FRYL: variants seen among roughly 807,000 people sequenced by gnomAD.
FRYL encodes protein furry homolog-like.
Under a neutral mutation model 351.2 loss-of-function variants are expected in FRYL, and 150 were observed. The ratio of observed to expected loss-of-function variants is 0.43; its 90% CI spans 0.37 to 0.49. The LOEUF is 0.49. FRYL is among the 20% of genes least tolerant of loss of function. FRYL has a pLI of 0.00. For missense variants in FRYL, 3,036 were observed against 3,619.3 expected, an observed-to-expected ratio of 0.84 and a Z score of 4.13; for synonymous variants, 1,153 against 1,257.1, an observed-to-expected ratio of 0.92 and a Z score of 1.75.
At chr4:48,574,512 G>A (rs1739125466) in intron 25 of FRYL, 2 of 152,056 alleles carry the variant, frequency 1.3e-5, no homozygotes, top group South Asian at 4.1e-4. Context: ...ACAATCTGAA[G>A]CGAAACCAGA....
intron 1 of FRYL, among the ~76,000 whole-genome samples, chr4:48,738,796 G>A (rs558484584): frequency 4.6e-5 from 7 of 151,070 alleles, no homozygotes; most frequent in South Asian, 4.2e-4. Flanking sequence ...GTGAGCCACC[G>A]CCCCCAGACA....
chr4:48,624,377 C>T (rs1024375838), intron 4 of FRYL, among the ~76,000 whole-genome samples: 2 of 152,130 alleles, frequency 1.3e-5, no homozygotes, highest in African/African-American at 4.8e-5. Flanking sequence ...TATCCTTCAA[C>T]CACTGAGTCC....
intron 7 of FRYL, chr4:48,618,556 G>C (rs547165450): frequency 2.3e-5 from 3 of 128,798 alleles, no homozygotes; most frequent in Admixed American, 8.6e-5. Flanking sequence ...GATCATCCTT[G>C]AATGATATAA....
intron 47 of FRYL, among the ~76,000 whole-genome samples, chr4:48,538,410 T>A (rs940801166): frequency 2.0e-5 from 3 of 152,192 alleles, no homozygotes; most frequent in Non-Finnish European, 4.4e-5. Context: ...TATTTTCACA[T>A]CATTTATTAA....
At position 48,667,973 on chromosome 4, in the gene FRYL, G is replaced by C. The variant is rs375655057; in HGVS notation, c.-81+16700C>G. On this transcript the variant is annotated intron_variant, in intron 3 of 63. Coordinates refer to ENST00000358350, the MANE Select transcript of FRYL (RefSeq NM_015030.2). ...AAAGCCTCCATTCTCTATTTCCCAG[G>C]TAAGTTACTTGTATGTAGCTCTCTG... Among the ~76,000 whole-genome samples, 9 of 152,220 alleles carry C rather than the reference G, an allele frequency of 5.9e-5. No homozygotes were observed. In the East Asian group the frequency reaches 1.2e-3, roughly 20 times the overall value.
chr4:48,524,145 T>TA (rs1323249446), intron 53 of FRYL, among the ~76,000 whole-genome samples: 2 of 152,144 alleles, frequency 1.3e-5, no homozygotes, highest in Non-Finnish European at 2.9e-5. Flanking sequence ...TGTATCCCTT[T>TA]ACACAGGAAT....
intron 53 of FRYL, among the ~76,000 whole-genome samples, chr4:48,526,456 C>A (rs1726256670): frequency 6.6e-6 from 1 of 152,128 alleles, no homozygotes; most frequent in Non-Finnish European, 1.5e-5. Flanking sequence ...AGCATGTGTC[C>A]TAATTTGGGC....
rs1273484631 is a variant in FRYL, at chr4:48,582,508, G to A, written c.1975C>T (p.Gln659Ter). ...AAAGAATCTGGTACCTGAGTGTCCT[G>A]GTTTTTATTATGCATTTGGGCTGCT... ...KQAAQMHNKN[Q>*]DTQHGVANGA... The change falls in exon 20 of 64, where the codon CAG (glutamine) becomes TAG (stop). Residue 659 changes from glutamine (Q) to a stop codon, truncating the protein, a stop_gained. Coordinates refer to ENST00000358350, the MANE Select transcript of FRYL (RefSeq NM_015030.2). LOFTEE classifies it high-confidence loss of function. 6.2e-7 allele frequency: 1 copy of A among 1,608,254 alleles called. No individual in the cohort carries two copies. The highest frequency in any genetic ancestry group is 8.5e-7 in the Non-Finnish European group (1 of 1,174,920).
At chr4:48,760,524 T>A (rs1199016515) in intron 1 of FRYL, among the ~76,000 whole-genome samples, 1 of 152,162 alleles carries the variant, frequency 6.6e-6, no homozygotes, top group Non-Finnish European at 1.5e-5. Context: ...ACATGCCTTG[T>A]GTTTTTTTGT....
At chr4:48,667,971 AG>A (rs1762031950) in intron 3 of FRYL, among the ~76,000 whole-genome samples, 1 of 152,114 alleles carries the variant, frequency 6.6e-6, no homozygotes, top group Non-Finnish European at 1.5e-5. Context: ...TCTATTTCCC[AG>A]GTAAGTTACT....
chr4:48,771,691 C>G (rs144628779), intron 1 of FRYL, among the ~76,000 whole-genome samples: 1 of 152,104 alleles, frequency 6.6e-6, no homozygotes, highest in Admixed American at 6.5e-5. Context: ...AAAAAAAGCA[C>G]GAGTCCTCTA....
chr4:48,500,913 G>A (rs1303605942), intron 62 of FRYL, among the ~76,000 whole-genome samples: 5 of 151,896 alleles, frequency 3.3e-5, no homozygotes, highest in African/African-American at 1.2e-4. Flanking sequence ...GTGAAACCCC[G>A]TCTCTACTAA....
intron 58 of FRYL, among the ~76,000 whole-genome samples, chr4:48,510,368 A>C (rs1353945113): frequency 1.3e-5 from 2 of 152,196 alleles, no homozygotes; most frequent in Admixed American, 1.3e-4. Flanking sequence ...GGACATCCTC[A>C]AGTGTTTTCA....
chr4:48,652,199 C>T (rs1757848275), intron 3 of FRYL, among the ~76,000 whole-genome samples: 1 of 152,206 alleles, frequency 6.6e-6, no homozygotes, highest in South Asian at 2.1e-4. Context: ...CCACATAGTT[C>T]ACAAGTACCT....
chr4:48,638,784 G>A (rs1178505145), intron 3 of FRYL, among the ~76,000 whole-genome samples: 1 of 152,086 alleles, frequency 6.6e-6, no homozygotes, highest in Non-Finnish European at 1.5e-5. Flanking sequence ...GCCATAAAAA[G>A]GATGTGTTCA....
In FRYL at chr4:48,542,105, A is replaced by C; in HGVS notation, c.5609T>G (p.Leu1870Arg). Reference sequence around the variant, plus strand: ...AATTGCAGATTCCAATGTGAGAAGAAGCTCAATCACAAATCCCTGGGGGGA... The same window carrying C: ...AATTGCAGATTCCAATGTGAGAAGACGCTCAATCACAAATCCCTGGGGGGA... ...GEDAQGFVIELLLTLESAIDT... is the reference protein window; with the variant it reads ...GEDAQGFVIERLLTLESAIDT... Residue 1870 changes from leucine to arginine, a missense_variant, in exon 45 of 64, where the codon CTT becomes CGT. By Grantham distance (102) the Leu-to-Arg change is moderately radical. Transcript: ENST00000358350. The C allele has an allele frequency of 6.2e-7, 1 of 1,613,318 alleles. No homozygotes were observed. The highest frequency in any genetic ancestry group is 8.5e-7 in the Non-Finnish European group (1 of 1,179,322).
intron 45 of FRYL, 93 bp downstream of exon 45, chr4:48,541,934 T>A (rs1352068104): frequency 2.4e-5 from 21 of 859,552 alleles, no homozygotes; most frequent in Middle Eastern, 2.4e-4. Context: ...AGTATTGTGC[T>A]TACTAACAAT....
Position 48,515,241 on chromosome 4 carries a change from G to A in FRYL, c.7724C>T (p.Thr2575Ile). 2 of 1,610,422 alleles carry A rather than the reference G, an allele frequency of 1.2e-6. No homozygotes were observed. The highest frequency in any genetic ancestry group is 1.7e-6 in the Non-Finnish European group (2 of 1,176,988). The change falls in exon 56 of 64, where the codon ACA (threonine) becomes ATA (isoleucine). Residue 2575 changes from threonine (T) to isoleucine (I), a missense_variant. Around this residue, in one of 7 missense-constraint regions of FRYL, gnomAD observed 1,987 missense variants for 2,311.7 expected, o/e 0.86. Transcript: ENST00000358350. ...ATAGGATCCTTCATCTTCAAAGGTT[G>A]TAACATGTTCCTCCTTTAATACTGA... ...TTSVLKEEHVTTFEDEGSYII... is the reference protein window; with the variant it reads ...TTSVLKEEHVITFEDEGSYII...
intron 3 of FRYL, among the ~76,000 whole-genome samples, chr4:48,678,375 G>A (rs1208095837): frequency 1.3e-5 from 2 of 151,980 alleles, no homozygotes; most frequent in Non-Finnish European, 2.9e-5. Flanking sequence ...GGGTGTGGTG[G>A]TGTGTGCCTG....
Sources: allele counts gnomAD v4.1 joint callset (sites outside exome capture counted in the v4.1 genomes callset), GRCh38; gene constraint gnomAD v4.1.1; regional missense constraint gnomAD v4.1.1; transcripts MANE v1.5; gene names NCBI Gene and HGNC (gene_info 2026-07-23, HGNC 2026-07-21).